TNFRSF8: variants seen among roughly 807,000 people sequenced by gnomAD.
TNFRSF8 encodes the protein tumor necrosis factor receptor superfamily member 8.
A neutral mutation model predicts 70.8 loss-of-function variants in TNFRSF8; 26 were observed. The observed-to-expected ratio is 0.37, with a 90% confidence interval of 0.27 to 0.51. The LOEUF (loss-of-function observed/expected upper bound fraction) is 0.51, where lower values mean the gene tolerates loss of function less well. Among genes scored for constraint, TNFRSF8 ranks in the 20% least tolerant of loss-of-function variants. The pLI, the probability that TNFRSF8 is intolerant of heterozygous loss-of-function variation, is 0.94. For missense variants in TNFRSF8, 720 were observed against 807.9 expected, an observed-to-expected ratio of 0.89 and a Z score of 1.32; for synonymous variants, 356 against 339.2, an observed-to-expected ratio of 1.05 and a Z score of -0.54.
At chr1:12,082,196 T>G (rs1016721060) in intron 1 of TNFRSF8, among the ~76,000 whole-genome samples, 12 of 152,214 alleles carry the variant, frequency 7.9e-5, no homozygotes, top group Non-Finnish European at 7.3e-5. Flanking sequence ...TCCTTTCTTA[T>G]GATGGTGCTT....
intron 8 of TNFRSF8, among the ~76,000 whole-genome samples, chr1:12,121,869 A>T (rs1274356108): frequency 1.3e-5 from 2 of 152,274 alleles, no homozygotes; most frequent in African/African-American, 4.8e-5. Context: ...ACAGTGGTTC[A>T]TCTGTACAAC....
At chr1:12,096,469 G>C (rs1641333097) in intron 2 of TNFRSF8, among the ~76,000 whole-genome samples, 1 of 150,624 alleles carries the variant, frequency 6.6e-6, no homozygotes, top group African/African-American at 2.4e-5. Context: ...ATCTCATAAT[G>C]TTTTAAGAAA....
At chr1:12,090,570 A>C (rs534037729) in intron 2 of TNFRSF8, among the ~76,000 whole-genome samples, 1 of 148,814 alleles carries the variant, frequency 6.7e-6, no homozygotes, top group Admixed American at 6.6e-5. Flanking sequence ...GCACTCACTC[A>C]TCCATCCATC....
intron 1 of TNFRSF8, among the ~76,000 whole-genome samples, chr1:12,065,180 T>G (rs1640717347): frequency 6.7e-6 from 1 of 149,384 alleles, no homozygotes; most frequent in Non-Finnish European, 1.5e-5. Flanking sequence ...CCTCCCGGAT[T>G]CAAGTGATTC....
At chr1:12,079,866 GCTTTGTACAT>G (rs547646769) in intron 1 of TNFRSF8, among the ~76,000 whole-genome samples, 35 of 151,966 alleles carry the variant, frequency 2.3e-4, no homozygotes, top group Non-Finnish European at 4.6e-4. Context: ...TACATATGTG[GCTTTGTACAT>G]CTGTGTTCTC....
In TNFRSF8 at chr1:12,124,365, C is replaced by T. The variant is rs1029853675; in HGVS notation, c.1153+538C>T. 2.6e-5 allele frequency among the ~76,000 whole-genome samples: 4 copies of T among 152,244 alleles called. No individual in the cohort carries two copies. In the East Asian group the frequency reaches 7.7e-4, roughly 29 times the overall value. ...GGAATTTTTTTCACAGCTTCATCCT[C>T]GTGGCTTATAATTGCTACTCAGAAA... On this transcript the variant is annotated intron_variant, in intron 10 of 14. Transcript: ENST00000263932.
At chr1:12,104,256 G>C (rs567252680) in intron 3 of TNFRSF8, 123 bp from the exon 4 acceptor site, 5 of 1,013,436 alleles carry the variant, frequency 4.9e-6, no homozygotes, top group African/African-American at 1.6e-5. Context: ...TCACCAGGGG[G>C]TTGAGCTGGG....
At position 12,112,404 on chromosome 1, in the gene TNFRSF8, T is replaced by C. The variant is rs1371144259; in HGVS notation, c.793+390T>C. On this transcript the variant is annotated intron_variant, in intron 7 of 14. Transcript: ENST00000263932. This position sits in a 1 kb window ranked among gnomAD's most constrained non-coding sequence, Gnocchi z 5.3. Reference sequence around the variant, plus strand: ...TGAGCCACTTATTCTTTTTTTTTTTTTCCCAGACAGGGTCTCACTCCTTCA... The same window carrying C: ...TGAGCCACTTATTCTTTTTTTTTTTCTCCCAGACAGGGTCTCACTCCTTCA... Among the ~76,000 whole-genome samples, 1 of 151,716 alleles carries C rather than the reference T, an allele frequency of 6.6e-6. No homozygotes were observed. The highest frequency in any genetic ancestry group is 2.4e-5 in the African/African-American group (1 of 41,296).
At position 12,135,751 on chromosome 1, in the gene TNFRSF8, C is replaced by G; in HGVS notation, c.1335+138C>G. 4 of 1,264,616 alleles carry G rather than the reference C, an allele frequency of 3.2e-6. No individual in the cohort carries two copies. The South Asian group carries it at 5.6e-5, about 18-fold the overall frequency. 78.3% of individuals were successfully genotyped at this position (1,264,616 alleles called of 1,614,324 possible). On this transcript the variant is annotated intron_variant, in intron 13 of 14. Coordinates refer to ENST00000263932, the MANE Select transcript of TNFRSF8 (RefSeq NM_001243.5). ...ACTGGCCATTCCCCTCCCACAGTGC[C>G]CAGGGTGCAGGCCCGTCCTGCAAGT...
In TNFRSF8 at chr1:12,141,519, G is replaced by A. The variant is rs539709098; in HGVS notation, c.1544-768G>A. On this transcript the variant is annotated intron_variant, in intron 14 of 14. Transcript: ENST00000263932. The surrounding 1 kb of genome is among the most constrained non-coding windows in gnomAD (Gnocchi z 5.4). ...GCACGCTGCAGGCAGGAGACCGGCT[G>A]TGAGCAGTAAGCCCCGAAATTCACG... Among the ~76,000 whole-genome samples the A allele has an allele frequency of 6.6e-6, 1 of 152,384 alleles. No homozygotes were observed. The highest frequency in any genetic ancestry group is 2.4e-5 in the African/African-American group (1 of 41,592).
intron 8 of TNFRSF8, among the ~76,000 whole-genome samples, chr1:12,117,286 T>A (rs1641749599): frequency 6.6e-6 from 1 of 152,118 alleles, no homozygotes; most frequent in African/African-American, 2.4e-5. Flanking sequence ...TTTTGCCATG[T>A]TGGCCAGGCT....
intron 1 of TNFRSF8, among the ~76,000 whole-genome samples, chr1:12,073,646 T>C (rs565271099): frequency 2.5e-4 from 37 of 150,360 alleles, no homozygotes; most frequent in African/African-American, 8.8e-4. Flanking sequence ...CAGGCTGGAG[T>C]GCAGTGGTGA....
chr1:12,084,825 C>A (rs1170999176), intron 2 of TNFRSF8, among the ~76,000 whole-genome samples: 1 of 152,194 alleles, frequency 6.6e-6, no homozygotes, highest in Non-Finnish European at 1.5e-5. Context: ...TGGACACTTA[C>A]TATCCATGAG....
At chr1:12,065,206 C>T (rs1640717723) in intron 1 of TNFRSF8, among the ~76,000 whole-genome samples, 1 of 151,806 alleles carries the variant, frequency 6.6e-6, no homozygotes, top group African/African-American at 2.4e-5. Flanking sequence ...CCTCAGCCTC[C>T]CAGGTAGCTG....
At chr1:12,127,171 G>T (rs960604234) in intron 12 of TNFRSF8, among the ~76,000 whole-genome samples, 1 of 152,226 alleles carries the variant, frequency 6.6e-6, no homozygotes, top group African/African-American at 2.4e-5. Flanking sequence ...CCCCTTCAAG[G>T]CAGGCCAGGG....
intron 2 of TNFRSF8, among the ~76,000 whole-genome samples, chr1:12,087,809 C>T (rs913975121): frequency 6.6e-6 from 1 of 152,146 alleles, no homozygotes; most frequent in South Asian, 2.1e-4. Flanking sequence ...AGGTCCCAGG[C>T]TCCCTCCACT....
At position 12,138,219 on chromosome 1, in the gene TNFRSF8, C is replaced by T. The variant is rs776466168; in HGVS notation, c.1336-10C>T. 1.6e-5 allele frequency: 25 copies of T among 1,612,554 alleles called. No homozygotes were observed. Among genetic ancestry groups the T allele is most frequent in the Admixed American group, 1.2e-4 (7 of 59,954 alleles). On this transcript the variant is annotated splice_polypyrimidine_tract_variant and intron_variant, in intron 13 of 14. Transcript: ENST00000263932. The surrounding 1 kb of genome is among the most constrained non-coding windows in gnomAD (Gnocchi z 5.7). ...GGTACCCTGCAGCAGCACCCATTCCCGTCCCACAGCAGCTGAGGAGTGGTG... is the reference window on the plus strand; with the variant it reads ...GGTACCCTGCAGCAGCACCCATTCCTGTCCCACAGCAGCTGAGGAGTGGTG...
rs192222008 is a variant in TNFRSF8 at position 12,067,457 on chromosome 1, G to T, written c.63+3796G>T. ...TAATCCCAGCACTTTGGGAGGCCAA[G>T]ACAGGCAGATTACTTGAGGCCAGGA... On this transcript the variant is annotated intron_variant, in intron 1 of 14. Transcript: ENST00000263932. 7.9e-4 allele frequency among the ~76,000 whole-genome samples: 120 copies of T among 152,308 alleles called. 3 individuals carry two copies. The East Asian group carries it at 0.022, about 27-fold the overall frequency.
rs1269210667 is a variant in TNFRSF8, at chr1:12,113,511, G to C, written c.793+1497G>C. 6.6e-6 allele frequency among the ~76,000 whole-genome samples: 1 copy of C among 151,930 alleles called. No individual in the cohort carries two copies. The highest frequency in any genetic ancestry group is 1.5e-5 in the Non-Finnish European group (1 of 67,968). On this transcript the variant is annotated intron_variant, in intron 7 of 14. Transcript: ENST00000263932. This position sits in a 1 kb window ranked among gnomAD's most constrained non-coding sequence, Gnocchi z 4.9. The stretch of plus-strand genomic sequence containing the variant: ...AGAGAGAGAGACAGACAGAAAGAGA[G>C]AGTGAGAGAGAGACAGAAAGAGGGA...
Sources: allele counts gnomAD v4.1 joint callset (sites outside exome capture counted in the v4.1 genomes callset), GRCh38; gene constraint gnomAD v4.1.1; non-coding constraint Gnocchi (gnomAD v3.1); transcripts MANE v1.5; gene names NCBI Gene and HGNC (gene_info 2026-07-23, HGNC 2026-07-21).